The following PLXDC1 variants were observed in gnomAD, a reference collection of about 807,000 sequenced individuals.
PLXDC1 encodes plexin domain-containing protein 1.
In PLXDC1, 39 loss-of-function variants were observed where a neutral mutation model predicts 61.3. The ratio of observed to expected loss-of-function variants is 0.64; its 90% CI spans 0.49 to 0.83. PLXDC1 has a LOEUF of 0.83. Ranked by LOEUF, PLXDC1 falls within the 40% of genes least tolerant of loss-of-function variation. The probability of loss-of-function intolerance (pLI) is 0.00; values close to 1 mark genes in which losing one functional copy is unlikely to be tolerated. For synonymous variants in PLXDC1, 212 were observed against 254.5 expected (o/e 0.83, Z 1.59); for missense variants, 596 against 666.5 (o/e 0.89, Z 1.17).
At chr17:39,096,108 T>G (rs1346685060) in intron 7 of PLXDC1, among the ~76,000 whole-genome samples, 1 of 152,066 alleles carries the variant, frequency 6.6e-6, no homozygotes, top group African/African-American at 2.4e-5. Flanking sequence ...CTGGAATGGG[T>G]GGTTACCGTA....
intron 9 of PLXDC1, chr17:39,081,528 TA>T (rs1909558213): frequency 6.6e-6 from 1 of 151,358 alleles, no homozygotes; most frequent in South Asian, 2.1e-4. Context: ...TCGGGAGGCT[TA>T]GGCAGGAGAA....
chr17:39,083,589 C>T (rs1034389020), intron 8 of PLXDC1, 49 bp from the exon 9 acceptor site: 8 of 1,406,938 alleles, frequency 5.7e-6, no homozygotes, highest in Non-Finnish European at 7.0e-6. Flanking sequence ...TCTCCTTGGG[C>T]TCCAAAGGGT....
intron 8 of PLXDC1, among the ~76,000 whole-genome samples, chr17:39,083,948 T>C (rs1409882530): frequency 2.0e-5 from 3 of 152,110 alleles, no homozygotes; most frequent in African/African-American, 7.2e-5. Context: ...CACTAGAAGG[T>C]CAGGCCCTAA....
At chr17:39,129,993 A>C in intron 2 of PLXDC1, among the ~76,000 whole-genome samples, 1 of 152,368 alleles carries the variant, frequency 6.6e-6, no homozygotes, top group East Asian at 1.9e-4. Context: ...AAGTGAAAGA[A>C]ACCAGACATA....
At chr17:39,141,782 C>T (rs1426369777) in intron 1 of PLXDC1, among the ~76,000 whole-genome samples, 1 of 152,216 alleles carries the variant, frequency 6.6e-6, no homozygotes, top group Non-Finnish European at 1.5e-5. Context: ...CAACCGTGCA[C>T]ATGGGTTCCA....
chr17:39,109,180 C>T, intron 3 of PLXDC1, 68 bp downstream of exon 3: 1 of 1,544,054 alleles, frequency 6.5e-7, no homozygotes, highest in Non-Finnish European at 8.8e-7. Flanking sequence ...TGCCCACTGA[C>T]CAGGCAGGGT....
At chr17:39,135,758 C>T (rs1911730356) in intron 2 of PLXDC1, among the ~76,000 whole-genome samples, 1 of 151,306 alleles carries the variant, frequency 6.6e-6, no homozygotes, top group Non-Finnish European at 1.5e-5. Flanking sequence ...TCGCCAGGAA[C>T]ACATGGGGAA....
chr17:39,107,456 A>T lies in PLXDC1; in HGVS notation c.662T>A (p.Phe221Tyr), dbSNP rs778697706. Residue 221 changes from phenylalanine (F) to tyrosine (Y), a missense_variant, in exon 6 of 14, where the codon TTC (phenylalanine) becomes TAC (tyrosine). Coordinates refer to ENST00000315392, the MANE Select transcript of PLXDC1 (RefSeq NM_020405.5). The part of the protein sequence containing the change: ...QGWEDKGSFT[F>Y]QAALHHDGRI... ...GCCGTCATGGTGCAGAGCTGCCTGG[A>T]AGGTGAAACTGCCCTTGTCTTCCCA... The T allele has an allele frequency of 1.9e-6, 3 of 1,614,102 alleles. No homozygotes were observed.
At chr17:39,121,574 T>C (rs1257487633) in intron 2 of PLXDC1, among the ~76,000 whole-genome samples, 2 of 152,186 alleles carry the variant, frequency 1.3e-5, no homozygotes, top group Admixed American at 1.3e-4. Context: ...ACTGCCACCA[T>C]AGGCCCCTTA....
Position 39,078,027 on chromosome 17 carries a change from C to T in PLXDC1, c.1072G>A (p.Asp358Asn), listed in dbSNP as rs1339931736. 2 of 1,610,082 alleles carry T rather than the reference C, an allele frequency of 1.2e-6. No homozygotes were observed. The highest frequency in any genetic ancestry group is 1.7e-6 in the Non-Finnish European group (2 of 1,177,866). ...GAGTCGTGGTCCTCATCCTGGAAGT[C>T]CTCGCACATCCTGCCCTCTGCCTGC... ...AQEAEGRMCE[D>N]FQDEDHDSAS... is the part of the protein sequence containing the mutation. Residue 358 changes from aspartate (D) to asparagine (N), a missense_variant, in exon 11 of 14, where the codon GAC becomes AAC. Physicochemically the swap from Asp to Asn is conservative, Grantham distance 23. Coordinates refer to ENST00000315392, the MANE Select transcript of PLXDC1 (RefSeq NM_020405.5).
chr17:39,152,827 A>C, upstream of PLXDC1: 5 of 561,986 alleles, frequency 8.9e-6, no homozygotes, highest in Non-Finnish European at 1.3e-5. Flanking sequence ...GAAACAACTA[A>C]AGGCTCTCTA....
chr17:39,063,594 C>A lies in PLXDC1; in HGVS notation c.*4246G>T. On this transcript the variant is annotated 3_prime_UTR_variant, in exon 14 of 14. Transcript: ENST00000315392. ...TGCCACTCCAAATCCTTTGCACTTT[C>A]TTTTGCACACAGCAGGAGTTGTAAA... is the stretch of plus-strand genomic sequence containing the variant. 1 of 675,540 alleles carries A rather than the reference C, an allele frequency of 1.5e-6. No individual in the cohort carries two copies. The allele number at this position is 675,540 out of a possible 1,614,324, so 41.8% of individuals were successfully genotyped here.
At chr17:39,087,791 G>A (rs1020059345) in intron 7 of PLXDC1, 89 bp from the exon 8 acceptor site, 4 of 902,774 alleles carry the variant, frequency 4.4e-6, no homozygotes, top group Non-Finnish European at 7.1e-6. Flanking sequence ...AGGTCAGCCT[G>A]CTGCACTGAA....
At chr17:39,072,334 GC>G in intron 12 of PLXDC1, 115 bp downstream of exon 12, 2 of 750,384 alleles carry the variant, frequency 2.7e-6, no homozygotes, top group Non-Finnish European at 4.8e-6. Context: ...TGCTCAGGCT[GC>G]CGTTGCTCCC....
intron 2 of PLXDC1, among the ~76,000 whole-genome samples, chr17:39,132,852 C>T (rs1436189650): frequency 6.6e-6 from 1 of 152,134 alleles, no homozygotes; most frequent in East Asian, 1.9e-4. Flanking sequence ...GCCCACCCGC[C>T]AGCCCTCAGT....
chr17:39,135,867 T>G (rs927652082), intron 2 of PLXDC1, among the ~76,000 whole-genome samples: 1 of 152,278 alleles, frequency 6.6e-6, no homozygotes, highest in Admixed American at 6.5e-5. Context: ...TGTGGTGTTT[T>G]TTAAGCTCTG....
intron 7 of PLXDC1, among the ~76,000 whole-genome samples, chr17:39,095,852 A>T (rs1386273562): frequency 6.6e-6 from 1 of 152,066 alleles, no homozygotes. Context: ...TTTAGTACAG[A>T]TGGGGTTTCA....
At chr17:39,115,987 T>A (rs919359167) in intron 2 of PLXDC1, among the ~76,000 whole-genome samples, 15 of 152,128 alleles carry the variant, frequency 9.9e-5, no homozygotes, top group Non-Finnish European at 2.2e-4. Context: ...TGGTGGCGCA[T>A]GCCTGTAATC....
intron 2 of PLXDC1, chr17:39,111,864 G>C (rs1366247597): frequency 6.6e-6 from 1 of 152,294 alleles, no homozygotes; most frequent in African/African-American, 2.4e-5. Flanking sequence ...GTCTCGGGAG[G>C]GTACCCAGAG....
Sources: gnomAD v4.1 joint callset for allele counts (sites outside exome capture counted in the v4.1 genomes callset) on GRCh38, gnomAD v4.1.1 for gene constraint, MANE v1.5 for transcripts, NCBI Gene and HGNC (gene_info 2026-07-23, HGNC 2026-07-21) for gene names.